ASIC2: variants seen among roughly 807,000 people sequenced by gnomAD.
ASIC2 encodes acid sensing ion channel subunit 2, also known as acid-sensing ion channel 2.
ASIC2 carries 25 observed loss-of-function variants against 57.3 expected under a neutral mutation model. The ratio of observed to expected loss-of-function variants is 0.44; its 90% CI spans 0.32 to 0.61. The LOEUF (loss-of-function observed/expected upper bound fraction) is 0.61. Ranked by LOEUF, ASIC2 falls within the 20% of genes least tolerant of loss-of-function variation. ASIC2 has a pLI of 0.06. For synonymous variants in ASIC2, 319 were observed against 307.5 expected (o/e 1.04, Z -0.39); for missense variants, 641 against 738.1 (o/e 0.87, Z 1.52).
At chr17:33,758,917 CAAAAA>C (rs56232795) in intron 1 of ASIC2, among the ~76,000 whole-genome samples, 159 of 141,806 alleles carry the variant, frequency 1.1e-3, no homozygotes, top group Non-Finnish European at 1.4e-3. Flanking sequence ...AAGCTAATAC[CAAAAA>C]AAAAAAAAAA....
chr17:33,722,385 C>T (rs933070624), intron 1 of ASIC2, among the ~76,000 whole-genome samples: 6 of 152,070 alleles, frequency 3.9e-5, no homozygotes, highest in Admixed American at 2.6e-4. Flanking sequence ...TTATTAGCAG[C>T]GTGAGAATAG....
intron 3 of ASIC2, among the ~76,000 whole-genome samples, chr17:33,078,386 T>C (rs2092098311): frequency 6.6e-6 from 1 of 152,226 alleles, no homozygotes; most frequent in African/African-American, 2.4e-5. Context: ...AAAAGACTTA[T>C]TTTTTAGTTC....
chr17:33,380,161 G>A (rs190144126), intron 1 of ASIC2, among the ~76,000 whole-genome samples: 3 of 145,356 alleles, frequency 2.1e-5, no homozygotes, highest in Admixed American at 1.4e-4. Flanking sequence ...CAGTAGAATC[G>A]CTTGAACCAG....
intron 1 of ASIC2, among the ~76,000 whole-genome samples, chr17:33,937,437 TC>T (rs58766354): frequency 1.3e-5 from 2 of 148,984 alleles, no homozygotes; most frequent in Non-Finnish European, 1.5e-5. Context: ...TTTTTTTTTT[TC>T]CCCATCAGAA....
chr17:33,668,066 A>G (rs1478651946), intron 1 of ASIC2, among the ~76,000 whole-genome samples: 1 of 152,084 alleles, frequency 6.6e-6, no homozygotes. Context: ...GCCATTTTGC[A>G]TACATATGAG....
intron 1 of ASIC2, among the ~76,000 whole-genome samples, chr17:33,812,496 T>C (rs574592239): frequency 3.2e-4 from 49 of 152,208 alleles, no homozygotes; most frequent in African/African-American, 1.2e-3. Flanking sequence ...AAATTGTGCT[T>C]GCTTCCAGGG....
intron 1 of ASIC2, among the ~76,000 whole-genome samples, chr17:33,844,187 G>A (rs1280932637): frequency 6.6e-6 from 1 of 151,912 alleles, no homozygotes; most frequent in Non-Finnish European, 1.5e-5. Flanking sequence ...GCTAAAATTT[G>A]GTACATGGCA....
At chr17:33,176,332 G>C (rs1213462945) in intron 1 of ASIC2, among the ~76,000 whole-genome samples, 1 of 152,132 alleles carries the variant, frequency 6.6e-6, no homozygotes, top group Non-Finnish European at 1.5e-5. Context: ...ACATCGTAGG[G>C]GCTTAAAGAA....
chr17:33,517,277 G>A (rs1194085436), intron 1 of ASIC2, among the ~76,000 whole-genome samples: 4 of 152,118 alleles, frequency 2.6e-5, no homozygotes, highest in Admixed American at 6.5e-5. Flanking sequence ...CACCATGCCT[G>A]GCTAGTTTTT....
chr17:33,391,437 C>T (rs867209821), intron 1 of ASIC2, among the ~76,000 whole-genome samples: 2 of 152,222 alleles, frequency 1.3e-5, no homozygotes, highest in Non-Finnish European at 2.9e-5. Flanking sequence ...TTTTGGCTTC[C>T]ATGAGACCAC....
chr17:33,555,564 T>C (rs1178063352), intron 1 of ASIC2, among the ~76,000 whole-genome samples: 2 of 151,864 alleles, frequency 1.3e-5, no homozygotes, highest in African/African-American at 4.8e-5. Context: ...AGCTGAGAGG[T>C]GCAGGATGTG....
intron 1 of ASIC2, among the ~76,000 whole-genome samples, chr17:33,896,896 C>T (rs545690530): frequency 6.6e-6 from 1 of 152,268 alleles, no homozygotes; most frequent in East Asian, 1.9e-4. Flanking sequence ...TGGCCCTGGC[C>T]CCATCCATTG....
intron 9 of ASIC2, among the ~76,000 whole-genome samples, chr17:33,014,910 G>T (rs2091797880): frequency 1.3e-5 from 2 of 152,180 alleles, no homozygotes; most frequent in Admixed American, 1.3e-4. Flanking sequence ...ACAGCCCCCT[G>T]CAGTCTGATC....
At chr17:33,856,201 A>C (rs1913923688) in intron 1 of ASIC2, among the ~76,000 whole-genome samples, 1 of 152,212 alleles carries the variant, frequency 6.6e-6, no homozygotes, top group Non-Finnish European at 1.5e-5. Context: ...GGAGCAAGTT[A>C]ATTAATCTTT....
chr17:33,886,540 A>G (rs1914833637), intron 1 of ASIC2, among the ~76,000 whole-genome samples: 1 of 152,122 alleles, frequency 6.6e-6, no homozygotes. Flanking sequence ...CATGCCCATG[A>G]GATTACAGAT....
intron 1 of ASIC2, among the ~76,000 whole-genome samples, chr17:33,132,849 A>G (rs1286158201): frequency 6.6e-6 from 1 of 152,134 alleles, no homozygotes; most frequent in African/African-American, 2.4e-5. Context: ...GGAGTGGGAG[A>G]TAACTTTGTG....
chr17:33,673,088 G>A (rs376360413), intron 1 of ASIC2, among the ~76,000 whole-genome samples: 1 of 152,164 alleles, frequency 6.6e-6, no homozygotes, highest in Non-Finnish European at 1.5e-5. Context: ...GAGAAATCAG[G>A]GGTGACCTCA....
chr17:33,422,712 C>T (rs986134673), intron 1 of ASIC2, among the ~76,000 whole-genome samples: 2 of 152,120 alleles, frequency 1.3e-5, no homozygotes, highest in Non-Finnish European at 2.9e-5. Context: ...CCTAATGCCT[C>T]TTTTTTCCTC....
At chr17:33,843,904 C>A (rs1597899373) in intron 1 of ASIC2, among the ~76,000 whole-genome samples, 1 of 152,168 alleles carries the variant, frequency 6.6e-6, no homozygotes, top group African/African-American at 2.4e-5. Flanking sequence ...AATTGTACAA[C>A]CAACCATTAA....
Sources: allele counts gnomAD v4.1 joint callset (sites outside exome capture counted in the v4.1 genomes callset), GRCh38; gene constraint gnomAD v4.1.1; transcripts MANE v1.5; gene names NCBI Gene and HGNC (gene_info 2026-07-23, HGNC 2026-07-21).